Variants in CPNE2 observed in about 807,000 individuals in gnomAD.
The protein encoded by CPNE2 is copine 2, also known as copine-2.
Under a neutral mutation model 69.7 loss-of-function variants are expected in CPNE2, and 42 were observed. That is an observed-to-expected ratio of 0.60 (90% CI 0.47 to 0.78). The LOEUF is 0.78. Ranked by LOEUF, CPNE2 falls within the 30% of genes least tolerant of loss-of-function variation. The probability of loss-of-function intolerance (pLI) is 0.00; values close to 1 mark genes in which losing one functional copy is unlikely to be tolerated. For missense variants in CPNE2, 587 were observed against 732.0 expected (o/e 0.80, Z 2.29); for synonymous variants, 294 against 289.8 (o/e 1.01, Z -0.15).
At chr16:57,129,346 G>A (rs2069822188) in intron 12 of CPNE2, among the ~76,000 whole-genome samples, 1 of 152,052 alleles carries the variant, frequency 6.6e-6, no homozygotes, top group African/African-American at 2.4e-5. Flanking sequence ...AGGGGCGAAG[G>A]CAAGGAAACT....
At chr16:57,112,553 G>A (rs2145247737) in intron 2 of CPNE2, among the ~76,000 whole-genome samples, 1 of 152,234 alleles carries the variant, frequency 6.6e-6, no homozygotes, top group East Asian at 1.9e-4. Flanking sequence ...AACACAGCCT[G>A]GGCCCCAAAA....
chr16:57,120,019 T>C (rs1206346427), intron 7 of CPNE2, among the ~76,000 whole-genome samples: 1 of 152,222 alleles, frequency 6.6e-6, no homozygotes, highest in Non-Finnish European at 1.5e-5. Context: ...ATGCCTGTAA[T>C]CCCAGCACTT....
chr16:57,118,332 A>ATT (rs61283121), intron 5 of CPNE2, among the ~76,000 whole-genome samples: 5,562 of 136,534 alleles, frequency 0.041, 345 homozygotes, highest in East Asian at 0.29. Context: ...CGCCCAGCTA[A>ATT]TTTTTTTTTT....
rs1446238149 is a variant in CPNE2 at position 57,120,360 on chromosome 16, G to A, written c.681+710G>A. On this transcript the variant is annotated intron_variant, in intron 7 of 15. Coordinates refer to ENST00000290776, the MANE Select transcript of CPNE2 (RefSeq NM_152727.6). ...GAGGCCAAGGTGGGTGGATCACGATGTCAGGAGATTGAGACCACCCTGGCC... is the reference window on the plus strand; with the variant it reads ...GAGGCCAAGGTGGGTGGATCACGATATCAGGAGATTGAGACCACCCTGGCC... Among the ~76,000 whole-genome samples the A allele has an allele frequency of 4.0e-5, 6 of 151,464 alleles. No homozygotes were observed. The East Asian group carries it at 1.2e-3, about 29-fold the overall frequency.
chr16:57,094,888 A>T (rs2069568706), intron 1 of CPNE2, among the ~76,000 whole-genome samples: 1 of 152,176 alleles, frequency 6.6e-6, no homozygotes, highest in Non-Finnish European at 1.5e-5. Flanking sequence ...CAGGGCTCTA[A>T]GGAGTGAACA....
intron 1 of CPNE2, among the ~76,000 whole-genome samples, chr16:57,109,690 G>A (rs2069668645): frequency 6.6e-6 from 1 of 152,134 alleles, no homozygotes; most frequent in Non-Finnish European, 1.5e-5. Flanking sequence ...TGGTGGAAGT[G>A]TAGCAGTGAG....
intron 1 of CPNE2, among the ~76,000 whole-genome samples, chr16:57,097,611 C>T (rs2069585832): frequency 6.6e-6 from 1 of 152,144 alleles, no homozygotes; most frequent in South Asian, 2.1e-4. Context: ...GGACACATGG[C>T]CCAGGTTGCA....
intron 14 of CPNE2, chr16:57,143,562 A>T (rs2069937334): frequency 6.6e-6 from 1 of 152,450 alleles, no homozygotes; most frequent in Non-Finnish European, 1.5e-5. Flanking sequence ...TTCAATCTGG[A>T]CTGTGCCAGT....
chr16:57,123,473 C>G lies in CPNE2; in HGVS notation c.927C>G (p.Thr309=). Residue 309 remains threonine, a splice_region_variant and synonymous_variant, in exon 10 of 16, where the codon ACC becomes ACG. Coordinates refer to ENST00000290776, the MANE Select transcript of CPNE2 (RefSeq NM_152727.6). ...YILGGCQLMF[T]VGIDFTASNG... ...TGGGAGGCTGCCAGCTCATGTTCAC[C>G]GTAAGGCTCTCCCCGCTGGCTCCCT... 6.2e-7 allele frequency: 1 copy of G among 1,613,174 alleles called. No individual in the cohort carries two copies. Among genetic ancestry groups the G allele is most frequent in the Non-Finnish European group, 8.5e-7 (1 of 1,179,974 alleles).
chr16:57,119,251 C>T lies in CPNE2; in HGVS notation c.564C>T (p.Gly188=). The T allele has an allele frequency of 6.2e-7, 1 of 1,614,126 alleles. No homozygotes were observed. Among genetic ancestry groups the T allele is most frequent in the East Asian group, 2.2e-5 (1 of 44,888 alleles). The change falls in exon 6 of 16, where the codon GGC becomes GGT. Residue 188 remains glycine (G), a synonymous_variant. Coordinates refer to ENST00000290776, the MANE Select transcript of CPNE2 (RefSeq NM_152727.6). ...AGTTTTATAAGCCAGGAGACGATGG[C>T]AAGTGGATGCTGGTCCACAGGACTG... ...FLEFYKPGDD[G]KWMLVHRTEV... is the part of the protein sequence containing the mutation.
chr16:57,110,224 C>CTTTTTTTTTTTTTT (rs145923720), intron 1 of CPNE2, among the ~76,000 whole-genome samples: 1 of 119,060 alleles, frequency 8.4e-6, no homozygotes, highest in African/African-American at 3.1e-5. Context: ...CTTTTCTTTT[C>CTTTTTTTTTTTTTT]TTTTTTTTTT....
At position 57,147,716 on chromosome 16, in the gene CPNE2, G is replaced by GCACGCT; in HGVS notation, c.*62_*67dup. 1 of 1,176,902 alleles carries GCACGCT rather than the reference G, an allele frequency of 8.5e-7. No individual in the cohort carries two copies. Among genetic ancestry groups the GCACGCT allele is most frequent in the Non-Finnish European group, 1.2e-6 (1 of 838,334 alleles). The allele number at this position is 1,176,902 out of a possible 1,614,324, so 72.9% of individuals were successfully genotyped here. On this transcript the variant is annotated 3_prime_UTR_variant, in exon 16 of 16. Coordinates refer to ENST00000290776, the MANE Select transcript of CPNE2 (RefSeq NM_152727.6). ...GCCTCCTGCCCTCCCCCAGGAACATGCACGCTCACTCTGCTTCCTTGTGGG... is the reference window on the plus strand; with the variant it reads ...GCCTCCTGCCCTCCCCCAGGAACATGCACGCTCACGCTCACTCTGCTTCCTTGTGGG...
At chr16:57,125,405 G>C in intron 10 of CPNE2, 1 of 455,252 alleles carries the variant, frequency 2.2e-6, no homozygotes, top group Non-Finnish European at 4.4e-6. Flanking sequence ...TGGGGAGATG[G>C]CTTGGGTTGG....
rs375459770 is a variant in CPNE2 at position 57,136,098 on chromosome 16, G to C, written c.1169-1051G>C. ...AAGAAGGAAGGGAGGGATGGAGGAA[G>C]GGAGGAAGAAAACTCTGAGTGGAGG... On this transcript the variant is annotated intron_variant, in intron 13 of 15. Transcript: ENST00000290776. Among the ~76,000 whole-genome samples the C allele has an allele frequency of 4.1e-4, 62 of 151,312 alleles. 1 individual carries two copies. In the South Asian group the frequency reaches 0.013, roughly 32 times the overall value.
intron 2 of CPNE2, 99 bp from the exon 3 acceptor site, chr16:57,113,189 G>A (rs1464576065): frequency 8.1e-6 from 9 of 1,105,768 alleles, no homozygotes; most frequent in African/African-American, 3.1e-5. Flanking sequence ...CTGGCACAGA[G>A]TAGGCATTGT....
At chr16:57,129,278 C>G (rs2069821519) in intron 12 of CPNE2, 1 of 152,498 alleles carries the variant, frequency 6.6e-6, no homozygotes, top group African/African-American at 2.4e-5. Flanking sequence ...AAGGCCTCTC[C>G]TGGCTGCTGA....
intron 10 of CPNE2, chr16:57,124,360 G>A: frequency 2.2e-6 from 1 of 456,196 alleles, no homozygotes; most frequent in Non-Finnish European, 4.4e-6. Flanking sequence ...AGGATTACAG[G>A]CATGAGTCAC....
intron 1 of CPNE2, among the ~76,000 whole-genome samples, chr16:57,095,333 A>G (rs1597487481): frequency 6.6e-6 from 1 of 152,242 alleles, no homozygotes; most frequent in Non-Finnish European, 1.5e-5. Flanking sequence ...AGCCCAGGTT[A>G]GAGGCGCCTC....
chr16:57,092,857 T>A lies in CPNE2; in HGVS notation c.-36+67T>A, dbSNP rs1275418088. 6.6e-6 allele frequency: 1 copy of A among 151,730 alleles called. No individual in the cohort carries two copies. Among genetic ancestry groups the A allele is most frequent in the South Asian group, 2.1e-4 (1 of 4,828 alleles). The allele number at this position is 151,730 out of a possible 1,614,324, so 9.4% of individuals were successfully genotyped here. On this transcript the variant is annotated intron_variant, in intron 1 of 15. Coordinates refer to ENST00000290776, the MANE Select transcript of CPNE2 (RefSeq NM_152727.6). This position sits in a 1 kb window ranked among gnomAD's most constrained non-coding sequence, Gnocchi z 5.3. ...CCCAACTTCGGCCTTGGGGCTGGGC[T>A]CTTTGATCCAGCTGCGGGTCCGAAG...
Sources: allele counts gnomAD v4.1 joint callset (sites outside exome capture counted in the v4.1 genomes callset), GRCh38; gene constraint gnomAD v4.1.1; non-coding constraint Gnocchi (gnomAD v3.1); transcripts MANE v1.5; gene names NCBI Gene and HGNC (gene_info 2026-07-23, HGNC 2026-07-21).